NAALADL2: variants seen among roughly 807,000 people sequenced by gnomAD.
NAALADL2 encodes the protein inactive N-acetylated-alpha-linked acidic dipeptidase-like protein 2.
NAALADL2 carries 76 observed loss-of-function variants against 87.2 expected under a neutral mutation model. That is an observed-to-expected ratio of 0.87 (90% CI 0.72 to 1.05). The LOEUF is 1.05. NAALADL2 is among the 50% of genes least tolerant of loss of function. The probability of loss-of-function intolerance (pLI) is 0.00; values close to 1 mark genes in which losing one functional copy is unlikely to be tolerated. For missense variants in NAALADL2, 1,089 were observed against 945.8 expected, an observed-to-expected ratio of 1.15 and a Z score of -1.99; for synonymous variants, 354 against 331.0, an observed-to-expected ratio of 1.07 and a Z score of -0.75.
intron 5 of NAALADL2, among the ~76,000 whole-genome samples, chr3:175,333,141 C>G (rs554265309): frequency 1.3e-5 from 2 of 152,286 alleles, no homozygotes; most frequent in South Asian, 4.1e-4. Flanking sequence ...ATAAACCTCT[C>G]TTTGTGCTGG....
intron 3 of NAALADL2, among the ~76,000 whole-genome samples, chr3:174,756,214 C>G (rs1249456210): frequency 1.3e-5 from 2 of 152,190 alleles, no homozygotes; most frequent in East Asian, 3.9e-4. Context: ...CTTAAGGAAT[C>G]ATTTTGGTAT....
intron 9 of NAALADL2, among the ~76,000 whole-genome samples, chr3:175,565,313 T>C (rs78330997): frequency 0.015 from 2,314 of 152,318 alleles, 55 homozygotes; most frequent in African/African-American, 0.05. Flanking sequence ...CATTTGTAAA[T>C]GGTAAGTCCT....
chr3:174,851,367 A>G (rs868678469), intron 3 of NAALADL2, among the ~76,000 whole-genome samples: 7,275 of 149,956 alleles, frequency 0.049, 162 homozygotes, highest in Non-Finnish European at 0.068. Flanking sequence ...CAGACTAAAA[A>G]AAAAAAAAAA....
intron 5 of NAALADL2, among the ~76,000 whole-genome samples, chr3:175,429,653 T>G (rs1240579354): frequency 6.6e-6 from 1 of 152,068 alleles, no homozygotes; most frequent in Non-Finnish European, 1.5e-5. Flanking sequence ...CATATGCAAG[T>G]TGATGTACAT....
At position 174,961,583 on chromosome 3, in the gene NAALADL2, T is replaced by A. The variant is rs182238544; in HGVS notation, c.43+102133T>A. ...GAGATAGTGTAGATTTTATTTTAAT[T>A]CAAGTACCTTATCTTCAAGATAGGA... On this transcript the variant is annotated intron_variant, in intron 1 of 13. Transcript: ENST00000454872. Among the ~76,000 whole-genome samples the A allele has an allele frequency of 2.4e-3, 368 of 151,740 alleles. 9 individuals are homozygous for A. The highest frequency in any genetic ancestry group is 0.022 in the Admixed American group (333 of 15,212).
chr3:175,354,217 A>G (rs1057134649), intron 5 of NAALADL2, among the ~76,000 whole-genome samples: 1 of 152,214 alleles, frequency 6.6e-6, no homozygotes, highest in African/African-American at 2.4e-5. Flanking sequence ...ATCATGATTG[A>G]CACTTCAGGG....
chr3:174,464,357 A>T (rs1436783832), intron 1 of NAALADL2, among the ~76,000 whole-genome samples: 2 of 144,874 alleles, frequency 1.4e-5, no homozygotes, highest in East Asian at 2.1e-4. Context: ...TGAAATGATC[A>T]TTTTTTAAAG....
intron 5 of NAALADL2, among the ~76,000 whole-genome samples, chr3:175,413,567 CAAAA>C (rs766955477): frequency 7.5e-6 from 1 of 132,588 alleles, no homozygotes; most frequent in Admixed American, 7.8e-5. Flanking sequence ...GAGACTCCAT[CAAAA>C]AAAAAAAAAA....
rs570116359 is a variant in NAALADL2 at position 174,638,875 on chromosome 3, C to T, written c.-115+88238C>T. On this transcript the variant is annotated intron_variant, in intron 2 of 3. Coordinates refer to the NAALADL2 transcript ENST00000434257. Reference sequence around the variant, plus strand: ...CATGTGTAAAGAACGTGTTTTTCCTCCTTTACTGCTTTGCTTCTTTAAGAG... The same window carrying T: ...CATGTGTAAAGAACGTGTTTTTCCTTCTTTACTGCTTTGCTTCTTTAAGAG... Among the ~76,000 whole-genome samples the T allele has an allele frequency of 6.6e-5, 10 of 152,274 alleles. No homozygotes were observed. The East Asian group carries it at 1.9e-3, about 29-fold the overall frequency.
chr3:174,661,938 A>G (rs774537317), intron 2 of NAALADL2, among the ~76,000 whole-genome samples: 2 of 152,180 alleles, frequency 1.3e-5, no homozygotes, highest in Non-Finnish European at 2.9e-5. Flanking sequence ...AGAAAGCAAA[A>G]TACTGCATGT....
chr3:175,179,126 T>C (rs1047969705), intron 2 of NAALADL2, among the ~76,000 whole-genome samples: 2 of 152,074 alleles, frequency 1.3e-5, no homozygotes, highest in African/African-American at 4.8e-5. Context: ...CGAGAAGTTA[T>C]TTTACTTTCC....
At chr3:174,909,886 C>A (rs556552998) in intron 1 of NAALADL2, among the ~76,000 whole-genome samples, 2 of 152,106 alleles carry the variant, frequency 1.3e-5, no homozygotes, top group East Asian at 3.9e-4. Flanking sequence ...ACAATTGTAA[C>A]ATTTGTAACA....
intron 4 of NAALADL2, among the ~76,000 whole-genome samples, chr3:175,267,659 G>A (rs1356626612): frequency 1.3e-5 from 2 of 152,068 alleles, no homozygotes; most frequent in African/African-American, 4.8e-5. Context: ...GGCAAAAAGA[G>A]GTACCTAGAG....
intron 1 of NAALADL2, among the ~76,000 whole-genome samples, chr3:174,462,845 A>T (rs1716294779): frequency 6.6e-6 from 1 of 152,196 alleles, no homozygotes; most frequent in African/African-American, 2.4e-5. Context: ...TTTAATTGAT[A>T]GACTGATTAT....
At chr3:175,656,925 AATTGAGCACCTATGATGTGCCAT>A (rs1731545809) in intron 11 of NAALADL2, among the ~76,000 whole-genome samples, 1 of 152,202 alleles carries the variant, frequency 6.6e-6, no homozygotes, top group Non-Finnish European at 1.5e-5. Flanking sequence ...TGGCCATTAT[AATTGAGCACCTATGATGTGCCAT>A]ATGTTGGACG....
At chr3:175,114,117 G>A (rs551168882) in intron 2 of NAALADL2, among the ~76,000 whole-genome samples, 12 of 151,598 alleles carry the variant, frequency 7.9e-5, no homozygotes, top group Non-Finnish European at 1.3e-4. Flanking sequence ...GTACAGTCTG[G>A]TTTCAAAGAG....
chr3:175,582,074 C>A (rs1719865602), intron 10 of NAALADL2, among the ~76,000 whole-genome samples: 1 of 152,070 alleles, frequency 6.6e-6, no homozygotes, highest in Admixed American at 6.5e-5. Flanking sequence ...CTCCAATCAA[C>A]AAATCAACAG....
At chr3:174,904,499 C>T (rs765677181) in intron 1 of NAALADL2, among the ~76,000 whole-genome samples, 2 of 151,878 alleles carry the variant, frequency 1.3e-5, no homozygotes, top group Non-Finnish European at 2.9e-5. Context: ...AGTTCCTATA[C>T]ATTACTAGCA....
At chr3:175,645,111 G>A (rs1426098291) in intron 11 of NAALADL2, among the ~76,000 whole-genome samples, 1 of 151,190 alleles carries the variant, frequency 6.6e-6, no homozygotes, top group Non-Finnish European at 1.5e-5. Context: ...CTCAGGCGAA[G>A]CTGTATTTTT....
Sources: gnomAD v4.1 joint callset for allele counts (sites outside exome capture counted in the v4.1 genomes callset) on GRCh38, gnomAD v4.1.1 for gene constraint, MANE v1.5 for transcripts, NCBI Gene and HGNC (gene_info 2026-07-23, HGNC 2026-07-21) for gene names.